The following SNRNP200 variants were observed in gnomAD, a reference collection of about 807,000 sequenced individuals.
SNRNP200 encodes the protein U5 small nuclear ribonucleoprotein 200 kDa helicase.
SNRNP200 carries 66 observed loss-of-function variants against 255.2 expected under a neutral mutation model. The ratio of observed to expected loss-of-function variants is 0.26; its 90% CI spans 0.21 to 0.32. The LOEUF (loss-of-function observed/expected upper bound fraction) is 0.32. Among genes scored for constraint, SNRNP200 ranks in the 10% least tolerant of loss-of-function variants. The pLI, the probability that SNRNP200 is intolerant of heterozygous loss-of-function variation, is 1.00. For missense variants in SNRNP200, 1,585 were observed against 2,749.8 expected (o/e 0.58, Z 9.47); for synonymous variants, 939 against 1,027.8 (o/e 0.91, Z 1.65).
In SNRNP200 at chr2:96,299,335, C is replaced by G. The variant is rs2276647; in HGVS notation, c.723G>C (p.Ser241=). The change falls in exon 6 of 45, where the codon TCG becomes TCC. Residue 241 remains serine, a synonymous_variant. Coordinates refer to ENST00000323853, the MANE Select transcript of SNRNP200 (RefSeq NM_014014.5). ...GDEAVVRCTL[S]ANLVASGELM... ...AAGAGCAAACTGAACTTACATTAGC[C>G]GAGAGGGTGCAGCGCACGACAGCCT... The G allele has an allele frequency of 2.0e-5, 32 of 1,613,772 alleles. No homozygotes were observed. Among genetic ancestry groups the G allele is most frequent in the Middle Eastern group, 3.3e-4 (2 of 6,084 alleles).
At position 96,275,280 on chromosome 2, in the gene SNRNP200, G is replaced by C; in HGVS notation, c.6244C>G (p.Leu2082Val). The change falls in exon 44 of 45, where the codon CTG (leucine) becomes GTG (valine). Residue 2082 changes from leucine (L) to valine (V), a missense_variant. Leu to Val is a conservative substitution (Grantham distance 32). Around this residue, in one of 9 missense-constraint regions of SNRNP200, gnomAD observed 279 missense variants for 551.2 expected, o/e 0.51. Transcript: ENST00000323853. ...KSNSLISIKR[L>V]TLQQKAKVKL... Reference sequence around the variant, plus strand: ...ACCTTGGCCTTCTGCTGCAAGGTCAGCCTCTTGATGGAGATGAGGCTATTG... The same window carrying C: ...ACCTTGGCCTTCTGCTGCAAGGTCACCCTCTTGATGGAGATGAGGCTATTG... 1 of 1,614,172 alleles carries C rather than the reference G, an allele frequency of 6.2e-7. No homozygotes were observed. The highest frequency in any genetic ancestry group is 8.5e-7 in the Non-Finnish European group (1 of 1,180,026).
At chr2:96,300,723 C>T (rs1467123197) in intron 5 of SNRNP200, among the ~76,000 whole-genome samples, 3 of 151,724 alleles carry the variant, frequency 2.0e-5, no homozygotes, top group Non-Finnish European at 4.4e-5. Flanking sequence ...GAGATCGCAC[C>T]ACTGCACTCC....
chr2:96,276,009 A>T (rs954331492), intron 43 of SNRNP200, among the ~76,000 whole-genome samples: 7 of 152,246 alleles, frequency 4.6e-5, no homozygotes, highest in Non-Finnish European at 7.3e-5. Flanking sequence ...CCGTCTCAAA[A>T]AAAAAGAAAA....
intron 3 of SNRNP200, 143 bp from the exon 4 acceptor site, chr2:96,301,859 C>T (rs1259970141): frequency 1.2e-6 from 1 of 833,444 alleles, no homozygotes; most frequent in Non-Finnish European, 2.0e-6. Context: ...CTCATTAATG[C>T]TGATGCCACA....
Position 96,277,576 on chromosome 2 carries a change from T to A in SNRNP200, c.5894A>T (p.His1965Leu). The stretch of plus-strand genomic sequence containing the variant: ...ACGTTTGATATGCTCAGAGGTGAAG[T>A]GTGGCAGCTGCTTCAGGTATGAGTC... ...SKDSYLKQLP[H>L]FTSEHIKRCT... Residue 1965 changes from histidine to leucine, a missense_variant, in exon 41 of 45, where the codon CAC becomes CTC. Coordinates refer to ENST00000323853, the MANE Select transcript of SNRNP200 (RefSeq NM_014014.5). The surrounding 1 kb of genome is among the most constrained non-coding windows in gnomAD (Gnocchi z 4.4). The A allele has an allele frequency of 6.2e-7, 1 of 1,613,326 alleles. No individual in the cohort carries two copies. The highest frequency in any genetic ancestry group is 8.5e-7 in the Non-Finnish European group (1 of 1,180,032).
Position 96,277,543 on chromosome 2 carries a change from T to C in SNRNP200, c.5927A>G (p.Asp1976Gly). The C allele has an allele frequency of 6.2e-7, 1 of 1,612,586 alleles. No individual in the cohort carries two copies. Among genetic ancestry groups the C allele is most frequent in the Non-Finnish European group, 8.5e-7 (1 of 1,180,028 alleles). Residue 1976 changes from aspartate to glycine, a missense_variant, in exon 41 of 45, where the codon GAC becomes GGC. By Grantham distance (94) the Asp-to-Gly change is moderately conservative (BLOSUM62 -1). Around this residue, in one of 9 missense-constraint regions of SNRNP200, gnomAD observed 279 missense variants for 551.2 expected, o/e 0.51. Coordinates refer to ENST00000323853, the MANE Select transcript of SNRNP200 (RefSeq NM_014014.5). The surrounding 1 kb of genome is among the most constrained non-coding windows in gnomAD (Gnocchi z 4.4). Reference sequence around the variant, plus strand: ...CTCTAGGCTGACCCGGCTCACCTTGTCTGTGCAACGTTTGATATGCTCAGA... The same window carrying C: ...CTCTAGGCTGACCCGGCTCACCTTGCCTGTGCAACGTTTGATATGCTCAGA... ...FTSEHIKRCT[D>G]KGVESVFDIM...
intron 35 of SNRNP200, 53 bp downstream of exon 35, chr2:96,281,761 C>T: frequency 7.4e-7 from 1 of 1,350,198 alleles, no homozygotes; most frequent in Non-Finnish European, 1.1e-6. Context: ...TGCAGATTCA[C>T]ATTCATTTTA....
At position 96,299,740 on chromosome 2, in the gene SNRNP200, C is replaced by G. The variant is rs187754447; in HGVS notation, c.631-313G>C. Among the ~76,000 whole-genome samples, 656 of 152,282 alleles carry G rather than the reference C, an allele frequency of 4.3e-3. 1 individual carries two copies. The highest frequency in any genetic ancestry group is 5.6e-3 in the Non-Finnish European group (378 of 68,034). On this transcript the variant is annotated intron_variant, in intron 5 of 44. Coordinates refer to ENST00000323853, the MANE Select transcript of SNRNP200 (RefSeq NM_014014.5). ...CAGTGATCAGCTAAGGAGAAAAGAG[C>G]TATACAGAGGCATGCCTGGGAAAGC... is the stretch of plus-strand genomic sequence containing the variant.
rs1469794341 is a variant in SNRNP200 at position 96,275,309 on chromosome 2, T to C, written c.6215A>G (p.Lys2072Arg). ...EGWWVVIGDA[K>R]SNSLISIKRL... ...CTTGATGGAGATGAGGCTATTGGAC[T>C]TGGCATCTCCAATCACCACCCACCA... The change falls in exon 44 of 45, where the codon AAG becomes AGG. Residue 2072 changes from lysine to arginine, a missense_variant. By Grantham distance (26) the Lys-to-Arg change is conservative. Around this residue, in one of 9 missense-constraint regions of SNRNP200, gnomAD observed 279 missense variants for 551.2 expected, o/e 0.51. Transcript: ENST00000323853. 1 of 1,613,932 alleles carries C rather than the reference T, an allele frequency of 6.2e-7. No homozygotes were observed. Among genetic ancestry groups the C allele is most frequent in the South Asian group, 1.1e-5 (1 of 91,074 alleles).
chr2:96,282,601 CATG>C (rs1270269575), intron 34 of SNRNP200: 1 of 182,780 alleles, frequency 5.5e-6, no homozygotes, highest in African/African-American at 2.4e-5. Flanking sequence ...GCAGAGTTCT[CATG>C]AATGGTTTAG....
In SNRNP200 at chr2:96,286,907, G is replaced by A. The variant is rs1231623006; in HGVS notation, c.3640-30C>T. 2.5e-6 allele frequency: 4 copies of A among 1,614,046 alleles called. No individual in the cohort carries two copies. The highest frequency in any genetic ancestry group is 3.4e-6 in the Non-Finnish European group (4 of 1,179,992). Reference sequence around the variant, plus strand: ...CAACAGGAGCAAGGGTAAAAGGAATGTGAGTCAACGTAGACTGAGTGCCTC... The same window carrying A: ...CAACAGGAGCAAGGGTAAAAGGAATATGAGTCAACGTAGACTGAGTGCCTC... On this transcript the variant is annotated intron_variant, in intron 27 of 44. Coordinates refer to ENST00000323853, the MANE Select transcript of SNRNP200 (RefSeq NM_014014.5). The surrounding 1 kb of genome is among the most constrained non-coding windows in gnomAD (Gnocchi z 4.8).
intron 13 of SNRNP200, 107 bp from the exon 14 acceptor site, chr2:96,295,765 A>T: frequency 9.0e-7 from 1 of 1,116,926 alleles, no homozygotes; most frequent in African/African-American, 1.5e-5. Flanking sequence ...GTATCAACCC[A>T]TCAGGTGAAT....
At chr2:96,292,411 T>C (rs370050038) in intron 16 of SNRNP200, among the ~76,000 whole-genome samples, 46 of 152,326 alleles carry the variant, frequency 3.0e-4, no homozygotes, top group African/African-American at 1.1e-3. Context: ...CAAAAAGAAA[T>C]ACAAAACCAG....
At chr2:96,300,829 A>G (rs189216536) in intron 5 of SNRNP200, among the ~76,000 whole-genome samples, 169 bp downstream of exon 5, 9 of 152,330 alleles carry the variant, frequency 5.9e-5, no homozygotes. Flanking sequence ...GTTAAAAGAT[A>G]ACTGCACTTT....
At chr2:96,301,987 T>G (rs984719481) in intron 3 of SNRNP200, among the ~76,000 whole-genome samples, 3 of 152,192 alleles carry the variant, frequency 2.0e-5, no homozygotes, top group Non-Finnish European at 4.4e-5. Flanking sequence ...AGACCTCCTC[T>G]AGCTTGCCAC....
At chr2:96,275,223 C>T (rs1220260146) in intron 44 of SNRNP200, 34 bp downstream of exon 44, 1 of 1,613,966 alleles carries the variant, frequency 6.2e-7, no homozygotes, top group South Asian at 1.1e-5. Flanking sequence ...TCCCCCATGC[C>T]AGAACAAATG....
intron 14 of SNRNP200, 26 bp downstream of exon 14, chr2:96,295,462 A>G (rs755328359): frequency 1.4e-5 from 22 of 1,612,732 alleles, no homozygotes; most frequent in Non-Finnish European, 1.7e-6. Context: ...ACTGGACTCT[A>G]TATTCTACGA....
Position 96,299,513 on chromosome 2 carries a change from C to T in SNRNP200, c.631-86G>A. On this transcript the variant is annotated intron_variant, in intron 5 of 44. Coordinates refer to ENST00000323853, the MANE Select transcript of SNRNP200 (RefSeq NM_014014.5). Reference sequence around the variant, plus strand: ...TCTCCCTCAAGTCACCCTAAATTAGCTCAATGGGTAGAGAAATGGCTTTGG... The same window carrying T: ...TCTCCCTCAAGTCACCCTAAATTAGTTCAATGGGTAGAGAAATGGCTTTGG... The T allele has an allele frequency of 2.7e-6, 3 of 1,121,038 alleles. No individual in the cohort carries two copies. In the Admixed American group the frequency reaches 5.1e-5, roughly 19 times the overall value. The allele number at this position is 1,121,038 out of a possible 1,614,324, so 69.4% of individuals were successfully genotyped here.
Position 96,291,541 on chromosome 2 carries a change from G to C in SNRNP200, c.2311-39C>G, listed in dbSNP as rs2063883919. 1 of 1,393,000 alleles carries C rather than the reference G, an allele frequency of 7.2e-7. No homozygotes were observed. Among genetic ancestry groups the C allele is most frequent in the Non-Finnish European group, 1.0e-6 (1 of 978,906 alleles). The allele number at this position is 1,393,000 out of a possible 1,614,324, so 86.3% of individuals were successfully genotyped here. A position where few individuals can be genotyped will look rare whatever the true frequency, so the allele number is the denominator to read the frequency against. The stretch of plus-strand genomic sequence containing the variant: ...AACCGGGGATGAGGCGAGCCTTCCT[G>C]TAGGACTCATCCAAGGACTAAGGAA... On this transcript the variant is annotated intron_variant, in intron 17 of 44. Coordinates refer to ENST00000323853, the MANE Select transcript of SNRNP200 (RefSeq NM_014014.5). This position sits in a 1 kb window ranked among gnomAD's most constrained non-coding sequence, Gnocchi z 4.2.
Sources: gnomAD v4.1 joint callset for allele counts (sites outside exome capture counted in the v4.1 genomes callset) on GRCh38, gnomAD v4.1.1 for gene constraint, gnomAD v4.1.1 regional missense constraint, Gnocchi (gnomAD v3.1) non-coding constraint, MANE v1.5 for transcripts, NCBI Gene and HGNC (gene_info 2026-07-23, HGNC 2026-07-21) for gene names.